The following GSK3B variants were observed in gnomAD, a reference collection of about 807,000 sequenced individuals.
GSK3B encodes the protein glycogen synthase kinase-3 beta.
A neutral mutation model predicts 56.4 loss-of-function variants in GSK3B; 15 were observed. The observed-to-expected ratio is 0.27, with a 90% confidence interval of 0.18 to 0.41. The LOEUF is 0.41. Ranked by LOEUF, GSK3B falls within the 10% of genes least tolerant of loss-of-function variation. The pLI, the probability that GSK3B is intolerant of heterozygous loss-of-function variation, is 1.00. For missense variants in GSK3B, 300 were observed against 513.4 expected (o/e 0.58, Z 4.02); for synonymous variants, 181 against 188.9 (o/e 0.96, Z 0.34).
At chr3:119,876,947 AGTGAAC>A (rs2056321974) in intron 7 of GSK3B, among the ~76,000 whole-genome samples, 1 of 152,212 alleles carries the variant, frequency 6.6e-6, no homozygotes, top group Admixed American at 6.5e-5. Context: ...TCTCTAGAAC[AGTGAAC>A]CAAGTAAATT....
intron 3 of GSK3B, among the ~76,000 whole-genome samples, chr3:119,927,729 G>C (rs1320160475): frequency 6.6e-6 from 1 of 152,164 alleles, no homozygotes; most frequent in Non-Finnish European, 1.5e-5. Context: ...CTGAAGCCAT[G>C]AGAATAGACT....
In GSK3B at chr3:119,826,447, G is replaced by GCCCCTTCC; in HGVS notation, c.*340_*341insGGAAGGGG. 2.2e-6 allele frequency: 1 copy of GCCCCTTCC among 458,002 alleles called. No homozygotes were observed. Among genetic ancestry groups the GCCCCTTCC allele is most frequent in the African/African-American group, 1.9e-5 (1 of 51,490 alleles). The allele number at this position is 458,002 out of a possible 1,614,324, so 28.4% of individuals were successfully genotyped here. A position where few individuals can be genotyped will look rare whatever the true frequency, so the allele number is the denominator to read the frequency against. ...TTTTCTTCTTTTGTGGAAGGGGCAT[G>GCCCCTTCC]AGGCAGGAGTCCTGTTTTTAAAGTA... is the stretch of plus-strand genomic sequence containing the variant. On this transcript the variant is annotated 3_prime_UTR_variant, in exon 11 of 11. Coordinates refer to ENST00000264235, the MANE Select transcript of GSK3B (RefSeq NM_001146156.2).
At chr3:120,080,932 T>C (rs2058413986) in intron 1 of GSK3B, among the ~76,000 whole-genome samples, 2 of 152,260 alleles carry the variant, frequency 1.3e-5, no homozygotes, top group African/African-American at 4.8e-5. Context: ...TTAAATACTG[T>C]CTGTTTACTT....
chr3:120,037,556 A>G (rs1162493226), intron 1 of GSK3B, among the ~76,000 whole-genome samples: 3 of 152,192 alleles, frequency 2.0e-5, no homozygotes, highest in Non-Finnish European at 4.4e-5. Context: ...AAGGAAGGAA[A>G]TATGTTTTAT....
intron 8 of GSK3B, among the ~76,000 whole-genome samples, chr3:119,870,043 T>C (rs1488693055): frequency 6.6e-6 from 1 of 152,210 alleles, no homozygotes; most frequent in Non-Finnish European, 1.5e-5. Context: ...TTCAGCTCTC[T>C]CCACCTTGAG....
intron 7 of GSK3B, among the ~76,000 whole-genome samples, chr3:119,877,950 C>G (rs1256867120): frequency 6.6e-6 from 1 of 151,964 alleles, no homozygotes; most frequent in Non-Finnish European, 1.5e-5. Context: ...AATATTAAAC[C>G]AGTTACAGTT....
chr3:119,831,554 G>A (rs1304982252), intron 10 of GSK3B, among the ~76,000 whole-genome samples: 1 of 151,930 alleles, frequency 6.6e-6, no homozygotes, highest in Non-Finnish European at 1.5e-5. Flanking sequence ...CTATTCGGGA[G>A]GCTGAGGCAG....
intron 1 of GSK3B, among the ~76,000 whole-genome samples, chr3:120,022,323 A>T (rs1485530241): frequency 6.6e-6 from 1 of 152,228 alleles, no homozygotes; most frequent in Non-Finnish European, 1.5e-5. Flanking sequence ...CACTTTATAA[A>T]CTACAGTATA....
intron 1 of GSK3B, among the ~76,000 whole-genome samples, chr3:120,047,166 G>T (rs753008202): frequency 3.0e-4 from 45 of 152,120 alleles, no homozygotes; most frequent in Non-Finnish European, 4.9e-4. Flanking sequence ...TCAATGTAAG[G>T]TGATAACCAA....
At chr3:120,072,500 T>C (rs1380428830) in intron 1 of GSK3B, among the ~76,000 whole-genome samples, 1 of 152,092 alleles carries the variant, frequency 6.6e-6, no homozygotes, top group Non-Finnish European at 1.5e-5. Context: ...GGCAGGAGAA[T>C]CGCTTGAACC....
intron 10 of GSK3B, among the ~76,000 whole-genome samples, chr3:119,842,919 G>T (rs2055796381): frequency 6.6e-6 from 1 of 151,912 alleles, no homozygotes; most frequent in African/African-American, 2.4e-5. Flanking sequence ...TTGAAAAACA[G>T]AATTTTTTTT....
chr3:119,865,448 ATATATATATATATATATATTTTTTT>A (rs1289422095), intron 8 of GSK3B, among the ~76,000 whole-genome samples: 32 of 17,002 alleles, frequency 1.9e-3, no homozygotes, highest in Non-Finnish European at 3.3e-4. Context: ...ATATATATAT[ATATATATATATATATATATTTTTTT>A]TTTTTTTTTT....
chr3:119,904,507 G>C (rs770803539), intron 7 of GSK3B, among the ~76,000 whole-genome samples: 1 of 152,132 alleles, frequency 6.6e-6, no homozygotes, highest in Non-Finnish European at 1.5e-5. Flanking sequence ...TTACACACTA[G>C]TCTTTTCAAC....
chr3:119,929,138 A>G (rs191511572), intron 3 of GSK3B, among the ~76,000 whole-genome samples: 44 of 152,324 alleles, frequency 2.9e-4, no homozygotes, highest in Admixed American at 5.2e-4. Flanking sequence ...CTGAAGGCTA[A>G]AAGAAAAAAA....
intron 2 of GSK3B, among the ~76,000 whole-genome samples, chr3:119,955,709 A>G (rs567587060): frequency 1.3e-5 from 2 of 152,260 alleles, no homozygotes; most frequent in South Asian, 4.1e-4. Flanking sequence ...GCTGGAGTGC[A>G]GTGGCATGAT....
chr3:119,839,778 C>A (rs546135112), intron 10 of GSK3B, among the ~76,000 whole-genome samples: 1 of 152,218 alleles, frequency 6.6e-6, no homozygotes, highest in Admixed American at 6.5e-5. Context: ...CTCTAAGATA[C>A]GAATCATTTT....
chr3:119,906,812 G>A (rs1228351133), intron 6 of GSK3B, among the ~76,000 whole-genome samples: 3 of 152,044 alleles, frequency 2.0e-5, no homozygotes, highest in Admixed American at 2.0e-4. Flanking sequence ...GGAGAAGAAG[G>A]AACAGTAAAT....
At chr3:119,986,383 C>G (rs984501770) in intron 2 of GSK3B, among the ~76,000 whole-genome samples, 1 of 151,928 alleles carries the variant, frequency 6.6e-6, no homozygotes, top group Non-Finnish European at 1.5e-5. Context: ...AAACTACCAT[C>G]AGAATGAACA....
In GSK3B at chr3:120,009,288, G is replaced by T. The variant is rs193068921; in HGVS notation, c.89-7049C>A. Among the ~76,000 whole-genome samples, 11 of 152,204 alleles carry T rather than the reference G, an allele frequency of 7.2e-5. No individual in the cohort carries two copies. The South Asian group carries it at 1.0e-3, about 14-fold the overall frequency. ...AAAGACAGTGTAGCGATTCCTCAAG[G>T]ATCTAGAACTAGAAATACCGTTTGA... is the stretch of plus-strand genomic sequence containing the variant. On this transcript the variant is annotated intron_variant, in intron 1 of 10. Coordinates refer to ENST00000264235, the MANE Select transcript of GSK3B (RefSeq NM_001146156.2).
Sources: gnomAD v4.1 joint callset for allele counts (sites outside exome capture counted in the v4.1 genomes callset) on GRCh38, gnomAD v4.1.1 for gene constraint, MANE v1.5 for transcripts, NCBI Gene and HGNC (gene_info 2026-07-23, HGNC 2026-07-21) for gene names.